Variants in ZSWIM8 observed in about 807,000 individuals in gnomAD.
The protein encoded by ZSWIM8 is zinc finger SWIM-type containing 8.
A neutral mutation model predicts 173.7 loss-of-function variants in ZSWIM8; 27 were observed. The ratio of observed to expected loss-of-function variants is 0.16; its 90% CI spans 0.11 to 0.21. The LOEUF (loss-of-function observed/expected upper bound fraction) is 0.21. ZSWIM8 is among the 10% of genes least tolerant of loss of function. The pLI is 1.00. For missense variants in ZSWIM8, 1,627 were observed against 2,428.8 expected (o/e 0.67, Z 6.94); for synonymous variants, 958 against 962.0 (o/e 1.00, Z 0.08).
chr10:73,794,703 C>A, intron 14 of ZSWIM8, 64 bp downstream of exon 14: 2 of 1,411,114 alleles, frequency 1.4e-6, no homozygotes, highest in Non-Finnish European at 2.0e-6. Context: ...GAGACCTGTG[C>A]CTTGTTGTGA....
In ZSWIM8 at chr10:73,799,061, C is replaced by T. The variant is rs201829707; in HGVS notation, c.4236C>T (p.Gly1412=). The T allele has an allele frequency of 2.0e-5, 33 of 1,613,762 alleles. No homozygotes were observed. Among genetic ancestry groups the T allele is most frequent in the African/African-American group, 9.3e-5 (7 of 75,030 alleles). The change falls in exon 21 of 26, where the codon GGC becomes GGT. Residue 1412 remains glycine, a synonymous_variant. Coordinates refer to ENST00000604729, the MANE Select transcript of ZSWIM8 (RefSeq NM_001367799.1). ...MAVEEAAKGG[G]VYPEVLFEVA... Reference sequence around the variant, plus strand: ...TGGAAGAGGCAGCTAAGGGTGGGGGCGTGTACCCTGAAGTGTTGTTTGAGG... The same window carrying T: ...TGGAAGAGGCAGCTAAGGGTGGGGGTGTGTACCCTGAAGTGTTGTTTGAGG...
Position 73,800,240 on chromosome 10 carries a change from T to C in ZSWIM8, c.4826-56T>C. On this transcript the variant is annotated intron_variant, in intron 22 of 25. Transcript: ENST00000604729. This position sits in a 1 kb window ranked among gnomAD's most constrained non-coding sequence, Gnocchi z 4.1. The stretch of plus-strand genomic sequence containing the variant: ...CTGGGCAGGGGAGGTGGGGAGGGAA[T>C]GTTCTTTGTCTCTCTTTGGGCTCTG... The C allele has an allele frequency of 1.2e-6, 2 of 1,611,154 alleles. No homozygotes were observed. Among genetic ancestry groups the C allele is most frequent in the Non-Finnish European group, 8.5e-7 (1 of 1,177,922 alleles).
chr10:73,787,600 C>T (rs2083271745), intron 1 of ZSWIM8, among the ~76,000 whole-genome samples: 1 of 152,060 alleles, frequency 6.6e-6, no homozygotes, highest in Non-Finnish European at 1.5e-5. Flanking sequence ...GCCTGTAATC[C>T]CAGTACTTTG....
chr10:73,785,865 G>A lies in ZSWIM8; in HGVS notation c.-14G>A. ...TCCGCGGGGGGGGACCCGGCCCCGG[G>A]GGGTGCGGGCCCCATGGAGCTGATG... On this transcript the variant is annotated 5_prime_UTR_variant, in exon 1 of 26. Coordinates refer to ENST00000604729, the MANE Select transcript of ZSWIM8 (RefSeq NM_001367799.1). 1 of 1,491,312 alleles carries A rather than the reference G, an allele frequency of 6.7e-7. No homozygotes were observed. The highest frequency in any genetic ancestry group is 1.3e-5 in the South Asian group (1 of 77,458). The allele number at this position is 1,491,312 out of a possible 1,614,324, so 92.4% of individuals were successfully genotyped here. A position where few individuals can be genotyped will look rare whatever the true frequency, so the allele number is the denominator to read the frequency against.
In ZSWIM8 at chr10:73,799,861, C is replaced by T. The variant is rs574300489; in HGVS notation, c.4666-150C>T. The stretch of plus-strand genomic sequence containing the variant: ...CTGGGAGGCAGAGGTTGCAGTGAGC[C>T]GATATCGTGCCACTGCACTCCAGCC... On this transcript the variant is annotated intron_variant, in intron 21 of 25. Coordinates refer to ENST00000604729, the MANE Select transcript of ZSWIM8 (RefSeq NM_001367799.1). The T allele has an allele frequency of 6.6e-5, 50 of 762,152 alleles. 1 individual carries two copies. In the East Asian group the frequency reaches 9.9e-4, roughly 15 times the overall value. The allele number at this position is 762,152 out of a possible 1,614,324, so 47.2% of individuals were successfully genotyped here.
chr10:73,788,855 G>A (rs1451925274), intron 2 of ZSWIM8, 32 bp downstream of exon 2: 3 of 1,611,044 alleles, frequency 1.9e-6, no homozygotes, highest in Non-Finnish European at 1.7e-6. Flanking sequence ...TGGGGAGCGG[G>A]GTCCTGATAC....
chr10:73,795,760 C>A, intron 15 of ZSWIM8, 97 bp downstream of exon 15: 1 of 1,357,266 alleles, frequency 7.4e-7, no homozygotes, highest in Non-Finnish European at 9.8e-7. Flanking sequence ...GAGTTTGAGA[C>A]AAGCCTGGGC....
chr10:73,800,438 C>G lies in ZSWIM8; in HGVS notation c.4968C>G (p.His1656Gln). 1 of 1,613,936 alleles carries G rather than the reference C, an allele frequency of 6.2e-7. No homozygotes were observed. The highest frequency in any genetic ancestry group is 1.7e-5 in the Admixed American group (1 of 60,026). The change falls in exon 23 of 26, where the codon CAC becomes CAG. Residue 1656 changes from histidine (H) to glutamine (Q), a missense_variant. Coordinates refer to ENST00000604729, the MANE Select transcript of ZSWIM8 (RefSeq NM_001367799.1). The surrounding 1 kb of genome is among the most constrained non-coding windows in gnomAD (Gnocchi z 4.1). Reference protein sequence around the residue: ...EETHSQPVNPHSLHHLHAAYR... With the variant: ...EETHSQPVNPQSLHHLHAAYR... Reference sequence around the variant, plus strand: ...CACACAGTCAGCCAGTCAATCCCCACAGCCTGCACCACCTGCATGCTGCCT... The same window carrying G: ...CACACAGTCAGCCAGTCAATCCCCAGAGCCTGCACCACCTGCATGCTGCCT...
Position 73,791,553 on chromosome 10 carries a change from G to C in ZSWIM8, c.1319+54G>C. Reference sequence around the variant, plus strand: ...ACTGAGCCTGGGCCAGCTCAGGACAGACTGAGCCTTCATCTCCTTGTTTGC... The same window carrying C: ...ACTGAGCCTGGGCCAGCTCAGGACACACTGAGCCTTCATCTCCTTGTTTGC... On this transcript the variant is annotated intron_variant, in intron 9 of 25. Transcript: ENST00000604729. This position sits in a 1 kb window ranked among gnomAD's most constrained non-coding sequence, Gnocchi z 6.0. 6.7e-7 allele frequency: 1 copy of C among 1,484,012 alleles called. No homozygotes were observed. Among genetic ancestry groups the C allele is most frequent in the African/African-American group, 1.4e-5 (1 of 71,536 alleles). 91.9% of individuals were successfully genotyped at this position (1,484,012 alleles called of 1,614,324 possible). A position where few individuals can be genotyped will look rare whatever the true frequency, so the allele number is the denominator to read the frequency against.
Position 73,793,741 on chromosome 10 carries a change from C to A in ZSWIM8, c.2445+22C>A, listed in dbSNP as rs765477962. The A allele has an allele frequency of 2.5e-6, 4 of 1,586,494 alleles. No homozygotes were observed. The East Asian group carries it at 9.0e-5, about 36-fold the overall frequency. The stretch of plus-strand genomic sequence containing the variant: ...CAAGGTGAGAGACCCCCTTCCTCTA[C>A]CTTCCCCTCCCCCACTTACCCCCAA... On this transcript the variant is annotated intron_variant, in intron 11 of 25. Coordinates refer to ENST00000604729, the MANE Select transcript of ZSWIM8 (RefSeq NM_001367799.1).
chr10:73,798,590 T>C, intron 20 of ZSWIM8, 137 bp downstream of exon 20: 1 of 776,642 alleles, frequency 1.3e-6, no homozygotes, highest in South Asian at 1.8e-5. Flanking sequence ...CATGGCAACA[T>C]TTTACCCATT....
In ZSWIM8 at chr10:73,791,569, C is replaced by G; in HGVS notation, c.1319+70C>G. 6.9e-7 allele frequency: 1 copy of G among 1,445,506 alleles called. No individual in the cohort carries two copies. Among genetic ancestry groups the G allele is most frequent in the South Asian group, 1.4e-5 (1 of 70,538 alleles). 89.5% of individuals were successfully genotyped at this position (1,445,506 alleles called of 1,614,324 possible). On this transcript the variant is annotated intron_variant, in intron 9 of 25. Transcript: ENST00000604729. This position sits in a 1 kb window ranked among gnomAD's most constrained non-coding sequence, Gnocchi z 6.0. ...CTCAGGACAGACTGAGCCTTCATCT[C>G]CTTGTTTGCAGAGACATACCATGAT... is the stretch of plus-strand genomic sequence containing the variant.
Position 73,793,994 on chromosome 10 carries a change from A to C in ZSWIM8, c.2575A>C (p.Met859Leu). The C allele has an allele frequency of 1.2e-6, 2 of 1,613,538 alleles. No individual in the cohort carries two copies. The highest frequency in any genetic ancestry group is 2.2e-5 in the East Asian group (1 of 44,874). Residue 859 changes from methionine (M) to leucine (L), a missense_variant, in exon 12 of 26, where the codon ATG becomes CTG. By Grantham distance (15) the Met-to-Leu change is conservative (BLOSUM62 2). Transcript: ENST00000604729. ...EHHNLAFRVGMFALELQRPPA... is the reference protein window; with the variant it reads ...EHHNLAFRVGLFALELQRPPA... The stretch of plus-strand genomic sequence containing the variant: ...CCACAACCTGGCCTTCCGAGTTGGC[A>C]TGTTTGCCTTGGAGCTACAGAGGCC...
Position 73,800,817 on chromosome 10 carries a change from C to T in ZSWIM8, c.5122+58C>T, listed in dbSNP as rs1338789904. 10 of 1,335,816 alleles carry T rather than the reference C, an allele frequency of 7.5e-6. No individual in the cohort carries two copies. The highest frequency in any genetic ancestry group is 1.4e-5 in the African/African-American group (1 of 69,600). The allele number at this position is 1,335,816 out of a possible 1,614,324, so 82.7% of individuals were successfully genotyped here. On this transcript the variant is annotated intron_variant, in intron 24 of 25. Coordinates refer to ENST00000604729, the MANE Select transcript of ZSWIM8 (RefSeq NM_001367799.1). This position sits in a 1 kb window ranked among gnomAD's most constrained non-coding sequence, Gnocchi z 4.1. ...CCCCCCACCTGCTCTCCCCACCTTC[C>T]TTATCCCAGACCTCCTTCCTAGCTC...
intron 1 of ZSWIM8, among the ~76,000 whole-genome samples, chr10:73,787,498 A>G (rs2083268398): frequency 1.3e-5 from 2 of 152,194 alleles, no homozygotes; most frequent in African/African-American, 4.8e-5. Flanking sequence ...TGGTCAGGTT[A>G]AAATCTGGGA....
chr10:73,801,220 G>A lies in ZSWIM8; in HGVS notation c.5301+25G>A, dbSNP rs1003512975. 2.5e-6 allele frequency: 4 copies of A among 1,601,408 alleles called. No homozygotes were observed. The African/African-American group carries it at 5.4e-5, about 21-fold the overall frequency. On this transcript the variant is annotated intron_variant, in intron 25 of 25. Coordinates refer to ENST00000604729, the MANE Select transcript of ZSWIM8 (RefSeq NM_001367799.1). This position sits in a 1 kb window ranked among gnomAD's most constrained non-coding sequence, Gnocchi z 4.9. ...GGTGACAACCTAGAATTATGGAGCA[G>A]GGTGGAGCACTTCCTGGGTGGTCTT...
At position 73,792,866 on chromosome 10, in the gene ZSWIM8, AG is replaced by A. The variant is rs1266257641; in HGVS notation, c.2313+16del. 2.0e-6 allele frequency: 3 copies of A among 1,532,844 alleles called. No individual in the cohort carries two copies. Among genetic ancestry groups the A allele is most frequent in the Non-Finnish European group, 2.6e-6 (3 of 1,144,640 alleles). The allele number at this position is 1,532,844 out of a possible 1,614,324, so 95.0% of individuals were successfully genotyped here. ...AGTCGCATGGAGGTGAGGGGATGGA[AG>A]GAGGGAGGGCTGGGTGCTCCTTAGC... On this transcript the variant is annotated intron_variant, in intron 10 of 25. Transcript: ENST00000604729. The surrounding 1 kb of genome is among the most constrained non-coding windows in gnomAD (Gnocchi z 4.3).
In ZSWIM8 at chr10:73,801,284, C is replaced by T. The variant is rs765549125; in HGVS notation, c.5302-32C>T. On this transcript the variant is annotated intron_variant, in intron 25 of 25. Coordinates refer to ENST00000604729, the MANE Select transcript of ZSWIM8 (RefSeq NM_001367799.1). This position sits in a 1 kb window ranked among gnomAD's most constrained non-coding sequence, Gnocchi z 4.9. ...GCAGGGCCTGTTTCTGTGCTTTGTA[C>T]TAAGGCTCATCCTGCACACATCCTC... 1 of 1,611,176 alleles carries T rather than the reference C, an allele frequency of 6.2e-7. No individual in the cohort carries two copies. The highest frequency in any genetic ancestry group is 1.3e-5 in the African/African-American group (1 of 74,866).
chr10:73,800,660 C>T lies in ZSWIM8; in HGVS notation c.5023C>T (p.Leu1675=). The part of the protein sequence containing the change: ...YRVGMLALEM[L]GRRAHNDHPN... Reference sequence around the variant, plus strand: ...CCCAGGAATGCTGGCACTGGAGATGCTGGGTCGCCGGGCACACAACGATCA... The same window carrying T: ...CCCAGGAATGCTGGCACTGGAGATGTTGGGTCGCCGGGCACACAACGATCA... The change falls in exon 24 of 26, where the codon CTG becomes TTG. Residue 1675 remains leucine (L), a synonymous_variant. Transcript: ENST00000604729. The surrounding 1 kb of genome is among the most constrained non-coding windows in gnomAD (Gnocchi z 4.1). The T allele has an allele frequency of 6.2e-7, 1 of 1,613,750 alleles. No individual in the cohort carries two copies.
Sources: allele counts gnomAD v4.1 joint callset (sites outside exome capture counted in the v4.1 genomes callset), GRCh38; gene constraint gnomAD v4.1.1; non-coding constraint Gnocchi (gnomAD v3.1); transcripts MANE v1.5; gene names NCBI Gene and HGNC (gene_info 2026-07-23, HGNC 2026-07-21).